AGO4: variants seen among roughly 807,000 people sequenced by gnomAD.
AGO4 encodes argonaute RISC component 4.
AGO4 carries 33 observed loss-of-function variants against 104.7 expected under a neutral mutation model. The observed-to-expected ratio is 0.32, with a 90% CI of 0.24 to 0.42. The LOEUF (loss-of-function observed/expected upper bound fraction) is 0.42. Among genes scored for constraint, AGO4 ranks in the 10% least tolerant of loss-of-function variants. The pLI, the probability that AGO4 is intolerant of heterozygous loss-of-function variation, is 1.00. For synonymous variants in AGO4, 331 were observed against 364.7 expected, an observed-to-expected ratio of 0.91 and a Z score of 1.05; for missense variants, 711 against 1,083.4, an observed-to-expected ratio of 0.66 and a Z score of 4.83.
chr1:35,828,812 C>T (rs1389320735), intron 7 of AGO4, among the ~76,000 whole-genome samples: 9 of 152,122 alleles, frequency 5.9e-5, no homozygotes, highest in Admixed American at 1.3e-4. Context: ...TGAGCCACTG[C>T]GCCCAGCCCA....
intron 16 of AGO4, 101 bp from the exon 17 acceptor site, chr1:35,850,753 C>T: frequency 1.1e-6 from 1 of 930,518 alleles, no homozygotes; most frequent in Admixed American, 2.9e-5. Flanking sequence ...TGCACTCCAG[C>T]CTAGGTGACA....
chr1:35,823,457 G>GCTC (rs1643932015), intron 3 of AGO4, among the ~76,000 whole-genome samples: 1 of 151,816 alleles, frequency 6.6e-6, no homozygotes, highest in Non-Finnish European at 1.5e-5. Context: ...ACGGAGCCTT[G>GCTC]CTCTGTTGCC....
At chr1:35,833,207 A>C (rs1019023151) in intron 11 of AGO4, among the ~76,000 whole-genome samples, 1 of 152,168 alleles carries the variant, frequency 6.6e-6, no homozygotes, top group Non-Finnish European at 1.5e-5. Context: ...TGAATCCAGG[A>C]GGCAGAGGTT....
intron 15 of AGO4, among the ~76,000 whole-genome samples, chr1:35,849,727 G>C (rs2148687823): frequency 6.6e-6 from 1 of 151,160 alleles, no homozygotes; most frequent in Non-Finnish European, 1.5e-5. Context: ...GTTGAACCTG[G>C]TAAACCAGTT....
chr1:35,815,588 G>A (rs1571256212), intron 1 of AGO4, among the ~76,000 whole-genome samples: 1 of 152,170 alleles, frequency 6.6e-6, no homozygotes, highest in African/African-American at 2.4e-5. Flanking sequence ...TAAGAGGGGA[G>A]AGAGTATGCA....
In AGO4 at chr1:35,854,862, C is replaced by T. The variant is rs1046773819; in HGVS notation, c.*1257C>T. On this transcript the variant is annotated 3_prime_UTR_variant, in exon 18 of 18. Transcript: ENST00000373210. ...TACTTGCAGTACAAATTTTTTGCTTCTCTTTCGACATGAAATGTACTTGGT... is the reference window on the plus strand; with the variant it reads ...TACTTGCAGTACAAATTTTTTGCTTTTCTTTCGACATGAAATGTACTTGGT... 6.6e-6 allele frequency: 1 copy of T among 152,608 alleles called. No homozygotes were observed. The highest frequency in any genetic ancestry group is 1.5e-5 in the Non-Finnish European group (1 of 68,026). The allele number at this position is 152,608 out of a possible 1,614,324, so 9.5% of individuals were successfully genotyped here.
At chr1:35,812,335 A>C (rs1288773342) in intron 1 of AGO4, among the ~76,000 whole-genome samples, 2 of 152,200 alleles carry the variant, frequency 1.3e-5, no homozygotes, top group East Asian at 3.8e-4. Context: ...AGATACAAAT[A>C]ATATTTACTT....
At chr1:35,824,642 AAAT>A (rs1643967770) in intron 3 of AGO4, among the ~76,000 whole-genome samples, 1 of 152,002 alleles carries the variant, frequency 6.6e-6, no homozygotes, top group South Asian at 2.1e-4. Flanking sequence ...TACAAAAAAA[AAAT>A]TTCTAATTAG....
At chr1:35,852,257 A>G (rs544147287) in intron 17 of AGO4, among the ~76,000 whole-genome samples, 1 of 152,320 alleles carries the variant, frequency 6.6e-6, no homozygotes, top group African/African-American at 2.4e-5. Context: ...TTAATTGGAT[A>G]TGCATGTCAG....
At chr1:35,827,445 C>T (rs1644052076) in intron 7 of AGO4, among the ~76,000 whole-genome samples, 1 of 151,876 alleles carries the variant, frequency 6.6e-6, no homozygotes, top group Non-Finnish European at 1.5e-5. Context: ...CGCTTGAACC[C>T]AGGAGGCAGA....
intron 13 of AGO4, among the ~76,000 whole-genome samples, chr1:35,839,276 C>T (rs1342829313): frequency 2.6e-5 from 4 of 152,186 alleles, no homozygotes; most frequent in East Asian, 1.9e-4. Flanking sequence ...GATGAAACTT[C>T]TAGGTAAATA....
chr1:35,827,021 GA>G (rs966499537), intron 7 of AGO4, among the ~76,000 whole-genome samples, 186 bp downstream of exon 7: 1 of 151,930 alleles, frequency 6.6e-6, no homozygotes, highest in African/African-American at 2.4e-5. Context: ...CCAAGATGGT[GA>G]AACCCCATCT....
chr1:35,851,704 G>A (rs897569233), intron 17 of AGO4, among the ~76,000 whole-genome samples: 1 of 152,174 alleles, frequency 6.6e-6, no homozygotes, highest in African/African-American at 2.4e-5. Context: ...ACATTCCACT[G>A]CAAGTCTATT....
chr1:35,834,400 C>T (rs1286548072), intron 12 of AGO4, among the ~76,000 whole-genome samples: 1 of 152,190 alleles, frequency 6.6e-6, no homozygotes, highest in Admixed American at 6.5e-5. Flanking sequence ...AGAGCAGCTG[C>T]TATTTGGAAT....
At chr1:35,829,029 C>CA (rs909595989) in intron 7 of AGO4, among the ~76,000 whole-genome samples, 13 of 149,806 alleles carry the variant, frequency 8.7e-5, no homozygotes, top group Non-Finnish European at 1.6e-4. Context: ...GAGCCCCCCC[C>CA]CCCACACACA....
At position 35,841,190 on chromosome 1, in the gene AGO4, A is replaced by G; in HGVS notation, c.1750A>G (p.Ile584Val). 6.2e-7 allele frequency: 1 copy of G among 1,610,382 alleles called. No individual in the cohort carries two copies. Among genetic ancestry groups the G allele is most frequent in the Non-Finnish European group, 8.5e-7 (1 of 1,176,802 alleles). The change falls in exon 14 of 18, where the codon ATC becomes GTC. Residue 584 changes from isoleucine (I) to valine (V), a missense_variant. Ile to Val is a conservative substitution (Grantham distance 29, BLOSUM62 3). Coordinates refer to ENST00000373210, the MANE Select transcript of AGO4 (RefSeq NM_017629.4). The surrounding 1 kb of genome is among the most constrained non-coding windows in gnomAD (Gnocchi z 4.7). ...QRPSVFQQPV[I>V]FLGADVTHPP... is the part of the protein sequence containing the mutation. Reference sequence around the variant, plus strand: ...GCCCTCGGTGTTCCAGCAGCCTGTCATCTTCCTGGGAGCGGATGTCACACA... The same window carrying G: ...GCCCTCGGTGTTCCAGCAGCCTGTCGTCTTCCTGGGAGCGGATGTCACACA...
rs144740654 is a variant in AGO4, at chr1:35,825,488, C to A, written c.482C>A (p.Ser161Tyr). ...ALDVITRHLP[S>Y]MRYTPVGRSF... Reference sequence around the variant, plus strand: ...GATGTTATCACAAGACACCTTCCCTCCATGAGGTTAGTACCTTGGTTTGGA... The same window carrying A: ...GATGTTATCACAAGACACCTTCCCTACATGAGGTTAGTACCTTGGTTTGGA... The change falls in exon 4 of 18, where the codon TCC becomes TAC. Residue 161 changes from serine to tyrosine, a missense_variant. This residue lies in a region of AGO4 where 308 missense variants were observed against 397.8 expected (regional missense o/e 0.77). Coordinates refer to ENST00000373210, the MANE Select transcript of AGO4 (RefSeq NM_017629.4). 3 of 1,613,912 alleles carry A rather than the reference C, an allele frequency of 1.9e-6. No homozygotes were observed. The highest frequency in any genetic ancestry group is 1.3e-5 in the African/African-American group (1 of 74,914).
chr1:35,816,530 G>T (rs564526974), intron 1 of AGO4, among the ~76,000 whole-genome samples: 1 of 152,230 alleles, frequency 6.6e-6, no homozygotes, highest in Non-Finnish European at 1.5e-5. Flanking sequence ...GCCAGGTGCG[G>T]TGGCTCACGC....
intron 13 of AGO4, among the ~76,000 whole-genome samples, chr1:35,840,234 T>G (rs1372509874): frequency 2.6e-5 from 4 of 151,466 alleles, no homozygotes. Flanking sequence ...CTTGGCTCAC[T>G]GCAACCTCCA....
Sources: gnomAD v4.1 joint callset for allele counts (sites outside exome capture counted in the v4.1 genomes callset) on GRCh38, gnomAD v4.1.1 for gene constraint, gnomAD v4.1.1 regional missense constraint, Gnocchi (gnomAD v3.1) non-coding constraint, MANE v1.5 for transcripts, NCBI Gene and HGNC (gene_info 2026-07-23, HGNC 2026-07-21) for gene names.